The following PCDH9 variants were observed in gnomAD, a reference collection of about 807,000 sequenced individuals.
PCDH9 encodes protocadherin-9.
A neutral mutation model predicts 70.6 loss-of-function variants in PCDH9; 24 were observed. The observed-to-expected ratio is 0.34, with a 90% CI of 0.25 to 0.48. The LOEUF is 0.48. Ranked by LOEUF, PCDH9 falls within the 20% of genes least tolerant of loss-of-function variation. The probability of loss-of-function intolerance (pLI) is 0.99; values close to 1 mark genes in which losing one functional copy is unlikely to be tolerated. For missense variants in PCDH9, 1,281 were observed against 1,503.6 expected (o/e 0.85, Z 2.45); for synonymous variants, 562 against 558.5 (o/e 1.01, Z -0.09).
intron 4 of PCDH9, among the ~76,000 whole-genome samples, chr13:66,603,728 G>GT (rs1370683223): frequency 6.6e-6 from 1 of 151,922 alleles, no homozygotes; most frequent in Non-Finnish European, 1.5e-5. Context: ...GCCCCAAATA[G>GT]TTTCTTTACA....
At chr13:67,158,336 C>T (rs941027592) in intron 2 of PCDH9, among the ~76,000 whole-genome samples, 5 of 152,114 alleles carry the variant, frequency 3.3e-5, no homozygotes, top group African/African-American at 9.7e-5. Flanking sequence ...ATTAAAAGTG[C>T]GAACTTATAC....
At chr13:66,716,058 A>G (rs1417975348) in intron 3 of PCDH9, among the ~76,000 whole-genome samples, 1 of 152,274 alleles carries the variant, frequency 6.6e-6, no homozygotes, top group African/African-American at 2.4e-5. Flanking sequence ...TAGAATTAAT[A>G]AAAACATGCT....
At chr13:66,398,098 A>G (rs528934523) in intron 4 of PCDH9, among the ~76,000 whole-genome samples, 1 of 152,252 alleles carries the variant, frequency 6.6e-6, no homozygotes, top group Non-Finnish European at 1.5e-5. Context: ...GACTTGTCCA[A>G]TATTATATAA....
chr13:66,626,951 CTGTGTGTGTG>C (rs10559380), intron 4 of PCDH9, among the ~76,000 whole-genome samples: 12 of 147,488 alleles, frequency 8.1e-5, no homozygotes, highest in Admixed American at 1.4e-4. Context: ...TCAAATGCCA[CTGTGTGTGTG>C]TGTGTGTGTG....
chr13:66,499,348 C>CTTGGACATTAATGAATGAATAAA, intron 4 of PCDH9, among the ~76,000 whole-genome samples: 1 of 152,002 alleles, frequency 6.6e-6, no homozygotes, highest in Non-Finnish European at 1.5e-5. Flanking sequence ...GATATACATA[C>CTTGGACATTAATGAATGAATAAA]TTGGACATTA....
chr13:66,902,971 A>G (rs1423393070), intron 3 of PCDH9, among the ~76,000 whole-genome samples: 3 of 151,832 alleles, frequency 2.0e-5, no homozygotes, highest in Non-Finnish European at 4.4e-5. Context: ...TAAAAAAGAA[A>G]GTAATGTCTT....
chr13:66,876,374 T>C (rs1305382210), intron 3 of PCDH9, among the ~76,000 whole-genome samples: 1 of 151,600 alleles, frequency 6.6e-6, no homozygotes, highest in Non-Finnish European at 1.5e-5. Context: ...TAACAAATAA[T>C]CTTGAATTAG....
At chr13:66,554,449 T>G (rs1961635463) in intron 4 of PCDH9, among the ~76,000 whole-genome samples, 1 of 152,158 alleles carries the variant, frequency 6.6e-6, no homozygotes, top group Admixed American at 6.5e-5. Flanking sequence ...CCTTAACATT[T>G]TGTTGAATAA....
intron 2 of PCDH9, among the ~76,000 whole-genome samples, chr13:67,028,970 T>TA (rs1373345083): frequency 1.3e-5 from 2 of 152,202 alleles, no homozygotes; most frequent in Non-Finnish European, 2.9e-5. Flanking sequence ...AGTTAGCGTC[T>TA]AAAAATAGCC....
At chr13:66,743,453 C>T (rs963706211) in intron 3 of PCDH9, among the ~76,000 whole-genome samples, 1 of 147,994 alleles carries the variant, frequency 6.8e-6, no homozygotes, top group African/African-American at 2.5e-5. Context: ...ATGTAACTAA[C>T]CTGCACAATG....
chr13:66,487,986 T>A (rs1264219286), intron 4 of PCDH9, among the ~76,000 whole-genome samples: 3 of 152,154 alleles, frequency 2.0e-5, no homozygotes, highest in African/African-American at 7.2e-5. Flanking sequence ...AGTCCTCAAA[T>A]GGATGAGACA....
At chr13:67,056,930 A>T (rs1315984512) in intron 2 of PCDH9, among the ~76,000 whole-genome samples, 1 of 152,138 alleles carries the variant, frequency 6.6e-6, no homozygotes, top group Non-Finnish European at 1.5e-5. Flanking sequence ...CTATGCAAAA[A>T]ATTTTGGATA....
chr13:67,201,657 T>C (rs1227910978), intron 2 of PCDH9: 2 of 152,028 alleles, frequency 1.3e-5, no homozygotes, highest in Non-Finnish European at 2.9e-5. Context: ...TAAAACTTAA[T>C]TTGAAATCAA....
chr13:66,760,378 T>A (rs996031784), intron 3 of PCDH9, among the ~76,000 whole-genome samples: 3 of 152,120 alleles, frequency 2.0e-5, no homozygotes, highest in African/African-American at 7.2e-5. Flanking sequence ...TTGAGGGAAG[T>A]CAGGGACCCC....
At chr13:67,131,618 A>G (rs1594554269) in intron 2 of PCDH9, among the ~76,000 whole-genome samples, 1 of 152,316 alleles carries the variant, frequency 6.6e-6, no homozygotes, top group South Asian at 2.1e-4. Context: ...ATATGCATTA[A>G]TACAATTATG....
At chr13:66,646,106 C>T (rs1424397001) in intron 3 of PCDH9, among the ~76,000 whole-genome samples, 1 of 152,192 alleles carries the variant, frequency 6.6e-6, no homozygotes, top group Non-Finnish European at 1.5e-5. Flanking sequence ...TGGAATAAAA[C>T]TAACAAGAAA....
intron 2 of PCDH9, among the ~76,000 whole-genome samples, chr13:66,948,378 G>A (rs1163543377): frequency 6.6e-6 from 1 of 152,032 alleles, no homozygotes; most frequent in Non-Finnish European, 1.5e-5. Flanking sequence ...AAACTTGTTT[G>A]CTAAATGAGC....
At chr13:66,727,311 G>A (rs1026837378) in intron 3 of PCDH9, among the ~76,000 whole-genome samples, 29 of 152,012 alleles carry the variant, frequency 1.9e-4, no homozygotes, top group Non-Finnish European at 2.4e-4. Flanking sequence ...TAATAAGATC[G>A]TAATTTACAC....
chr13:66,825,582 G>C (rs969601900), intron 3 of PCDH9, among the ~76,000 whole-genome samples: 1 of 151,714 alleles, frequency 6.6e-6, no homozygotes, highest in African/African-American at 2.4e-5. Flanking sequence ...TGATCCGCCC[G>C]TCTCGGCCTC....
Sources: allele counts gnomAD v4.1 joint callset (sites outside exome capture counted in the v4.1 genomes callset), GRCh38; gene constraint gnomAD v4.1.1; transcripts MANE v1.5; gene names NCBI Gene and HGNC (gene_info 2026-07-23, HGNC 2026-07-21).